Variants in CBFA2T2 observed in about 807,000 individuals in gnomAD.
CBFA2T2 encodes CBFA2/RUNX1 partner transcriptional co-repressor 2.
In CBFA2T2, 11 loss-of-function variants were observed where a neutral mutation model predicts 62.2. The observed-to-expected ratio is 0.18, with a 90% CI of 0.11 to 0.29. The LOEUF is 0.29. CBFA2T2 is among the 10% of genes least tolerant of loss of function. The pLI is 1.00. For synonymous variants in CBFA2T2, 295 were observed against 287.5 expected, an observed-to-expected ratio of 1.03 and a Z score of -0.27; for missense variants, 592 against 774.1, an observed-to-expected ratio of 0.76 and a Z score of 2.79.
chr20:33,558,324 G>C (rs989167033), intron 1 of CBFA2T2, among the ~76,000 whole-genome samples: 10 of 151,960 alleles, frequency 6.6e-5, no homozygotes, highest in African/African-American at 2.2e-4. Context: ...TAGAGATGAG[G>C]CTTCACCATG....
At chr20:33,576,033 C>T (rs1374700920) in intron 1 of CBFA2T2, among the ~76,000 whole-genome samples, 1 of 151,974 alleles carries the variant, frequency 6.6e-6, no homozygotes, top group East Asian at 1.9e-4. Flanking sequence ...GTGATCCGCC[C>T]ACCTTGGCCT....
chr20:33,507,901 A>G (rs1394289266), intron 1 of CBFA2T2, among the ~76,000 whole-genome samples: 2 of 152,126 alleles, frequency 1.3e-5, no homozygotes, highest in African/African-American at 4.8e-5. Context: ...GGAGAGGTAT[A>G]TCAGCTTTTA....
intron 1 of CBFA2T2, among the ~76,000 whole-genome samples, chr20:33,495,768 A>G (rs2011193488): frequency 6.6e-6 from 1 of 152,200 alleles, no homozygotes; most frequent in Admixed American, 6.6e-5. Flanking sequence ...TGCTGAGGTT[A>G]AAATCCTGGG....
chr20:33,546,674 T>A lies in CBFA2T2; in HGVS notation c.34+56373T>A, dbSNP rs189475968. Among the ~76,000 whole-genome samples, 733 of 151,928 alleles carry A rather than the reference T, an allele frequency of 4.8e-3. 8 individuals carry two copies. The highest frequency in any genetic ancestry group is 0.016 in the African/African-American group (676 of 41,480). On this transcript the variant is annotated intron_variant, in intron 1 of 10. Transcript: ENST00000342704. ...TTTTTGTAGAGATTTATTTTTTGTA[T>A]TTTTTTATAGAGGTCTCCCTCTGTT...
At chr20:33,591,880 AGT>A (rs1438848645) in intron 1 of CBFA2T2, among the ~76,000 whole-genome samples, 2 of 151,934 alleles carry the variant, frequency 1.3e-5, no homozygotes, top group African/African-American at 4.8e-5. Flanking sequence ...GCCTCCTGTA[AGT>A]CATGGTCATT....
At chr20:33,583,311 G>C (rs891122792) in intron 1 of CBFA2T2, among the ~76,000 whole-genome samples, 1 of 152,188 alleles carries the variant, frequency 6.6e-6, no homozygotes, top group Non-Finnish European at 1.5e-5. Flanking sequence ...AAAGTTGTAG[G>C]TACATGATAA....
At chr20:33,564,303 G>A (rs1046331153) in intron 1 of CBFA2T2, among the ~76,000 whole-genome samples, 13 of 145,966 alleles carry the variant, frequency 8.9e-5, no homozygotes, top group African/African-American at 1.3e-4. Flanking sequence ...TCACTCTGTC[G>A]CGCAGGTGGA....
At chr20:33,605,354 A>G (rs578189436) in intron 1 of CBFA2T2, among the ~76,000 whole-genome samples, 102 of 152,148 alleles carry the variant, frequency 6.7e-4, no homozygotes, top group Non-Finnish European at 1.2e-3. Context: ...GTTATTGGAG[A>G]ATGAATGGCT....
chr20:33,632,398 A>G (rs1266421976), intron 8 of CBFA2T2, among the ~76,000 whole-genome samples: 1 of 152,066 alleles, frequency 6.6e-6, no homozygotes, highest in Non-Finnish European at 1.5e-5. Context: ...TGTTATACCA[A>G]TAATCATAGT....
At chr20:33,531,939 T>C (rs1428318327) in intron 1 of CBFA2T2, among the ~76,000 whole-genome samples, 2 of 152,226 alleles carry the variant, frequency 1.3e-5, no homozygotes, top group Admixed American at 6.5e-5. Flanking sequence ...TAATCATATC[T>C]TCACCTACTC....
chr20:33,495,949 T>G (rs1003806069), intron 1 of CBFA2T2, among the ~76,000 whole-genome samples: 18 of 152,210 alleles, frequency 1.2e-4, no homozygotes, highest in Admixed American at 7.9e-4. Flanking sequence ...CTTGACACAT[T>G]CTGTTCTGGT....
At chr20:33,539,791 A>G (rs1016434234) in intron 1 of CBFA2T2, among the ~76,000 whole-genome samples, 9 of 151,912 alleles carry the variant, frequency 5.9e-5, no homozygotes, top group African/African-American at 1.9e-4. Context: ...GGCTCAAGCA[A>G]TCCTCCCACC....
intron 1 of CBFA2T2, among the ~76,000 whole-genome samples, chr20:33,603,577 T>A (rs116876720): frequency 0.013 from 1,969 of 152,308 alleles, 22 homozygotes; most frequent in Non-Finnish European, 0.021. Context: ...GTCAGTTACT[T>A]TGAATTTGAA....
chr20:33,587,556 G>A (rs181225415), intron 1 of CBFA2T2, among the ~76,000 whole-genome samples: 46 of 152,090 alleles, frequency 3.0e-4, no homozygotes, highest in Admixed American at 5.9e-4. Flanking sequence ...GTGAGCCACC[G>A]CGTCTGGCCA....
chr20:33,637,908 C>G (rs968531030), intron 9 of CBFA2T2, among the ~76,000 whole-genome samples: 2 of 148,784 alleles, frequency 1.3e-5, no homozygotes, highest in African/African-American at 5.0e-5. Flanking sequence ...CTCAGGTGAT[C>G]TGCCTGCCTT....
chr20:33,599,464 C>T (rs2015029474), intron 1 of CBFA2T2, among the ~76,000 whole-genome samples: 1 of 152,086 alleles, frequency 6.6e-6, no homozygotes. Context: ...TATGTATAAA[C>T]ATGGAATGTA....
intron 1 of CBFA2T2, among the ~76,000 whole-genome samples, chr20:33,557,224 A>G (rs2012926105): frequency 1.3e-5 from 2 of 151,928 alleles, no homozygotes; most frequent in South Asian, 4.2e-4. Flanking sequence ...CATGTTGGCC[A>G]GGCTGGTCTC....
At position 33,644,444 on chromosome 20, in the gene CBFA2T2, G is replaced by A. The variant is rs1327696583; in HGVS notation, c.1586G>A (p.Arg529Gln). ...GSFCQHKDWE[R>Q]HHRLCGQNLH... ...TTCTGCCAGCACAAGGACTGGGAGC[G>A]GCACCACCGCCTCTGTGGTCAGAAC... Residue 529 changes from arginine (R) to glutamine (Q), a missense_variant, in exon 11 of 11, where the codon CGG becomes CAG. This residue lies in a region of CBFA2T2 where 85 missense variants were observed against 99.0 expected (regional missense o/e 0.86). Coordinates refer to ENST00000342704, the MANE Select transcript of CBFA2T2 (RefSeq NM_001032999.3). 3 of 1,614,094 alleles carry A rather than the reference G, an allele frequency of 1.9e-6. No homozygotes were observed. The highest frequency in any genetic ancestry group is 1.7e-5 in the Admixed American group (1 of 60,014).
At chr20:33,605,712 A>G (rs934311323) in intron 1 of CBFA2T2, among the ~76,000 whole-genome samples, 4 of 152,192 alleles carry the variant, frequency 2.6e-5, no homozygotes, top group African/African-American at 9.7e-5. Context: ...TGAACAATGT[A>G]TAGCATGAAT....
Sources: allele counts gnomAD v4.1 joint callset (sites outside exome capture counted in the v4.1 genomes callset), GRCh38; gene constraint gnomAD v4.1.1; regional missense constraint gnomAD v4.1.1; transcripts MANE v1.5; gene names NCBI Gene and HGNC (gene_info 2026-07-23, HGNC 2026-07-21).